ABCD3: variants seen among roughly 807,000 people sequenced by gnomAD.
The protein encoded by ABCD3 is ATP-binding cassette sub-family D member 3.
Under a neutral mutation model 105.5 loss-of-function variants are expected in ABCD3, and 41 were observed. The observed-to-expected ratio is 0.39, with a 90% confidence interval of 0.30 to 0.50. The LOEUF (loss-of-function observed/expected upper bound fraction) is 0.50, where lower values mean the gene tolerates loss of function less well. Among genes scored for constraint, ABCD3 ranks in the 20% least tolerant of loss-of-function variants. The pLI, the probability that ABCD3 is intolerant of heterozygous loss-of-function variation, is 0.84. For missense variants in ABCD3, 622 were observed against 806.3 expected (o/e 0.77, Z 2.77); for synonymous variants, 258 against 269.0 (o/e 0.96, Z 0.40).
chr1:94,499,317 T>A (rs1236604116), intron 19 of ABCD3, among the ~76,000 whole-genome samples, 178 bp from the exon 20 acceptor site: 1 of 152,226 alleles, frequency 6.6e-6, no homozygotes, highest in Non-Finnish European at 1.5e-5. Flanking sequence ...TCAAGTTTGG[T>A]GTAGATACTA....
the ABCD3 span, among the ~76,000 whole-genome samples, chr1:94,400,030 AC>A: frequency 6.6e-6 from 1 of 152,142 alleles, no homozygotes; most frequent in Admixed American, 6.5e-5. Context: ...ACAGAGCAAG[AC>A]CCTGTCTCAA....
intron 1 of ABCD3, among the ~76,000 whole-genome samples, chr1:94,435,666 A>G (rs1659875836): frequency 6.6e-6 from 1 of 152,252 alleles, no homozygotes; most frequent in African/African-American, 2.4e-5. Flanking sequence ...TTCTTCACTT[A>G]TAAGGTGGAA....
the ABCD3 span, chr1:94,406,520 G>T: frequency 5.2e-6 from 2 of 384,614 alleles, no homozygotes; most frequent in East Asian, 7.1e-5. Flanking sequence ...CTTTCTCTTT[G>T]GCTCCCTTCT....
chr1:94,430,187 T>C (rs1003119199), intron 1 of ABCD3, among the ~76,000 whole-genome samples: 1 of 152,266 alleles, frequency 6.6e-6, no homozygotes, highest in African/African-American at 2.4e-5. Flanking sequence ...TGGCTGTATT[T>C]ACCCAATGCC....
the ABCD3 span, among the ~76,000 whole-genome samples, chr1:94,399,224 AAGG>A: frequency 6.6e-6 from 1 of 152,334 alleles, no homozygotes; most frequent in East Asian, 1.9e-4. Flanking sequence ...TCAAGACAGA[AAGG>A]AGATTAGCAG....
At chr1:94,455,791 C>G (rs1647523096) in intron 1 of ABCD3, 1 of 1,258,870 alleles carries the variant, frequency 7.9e-7, no homozygotes, top group Non-Finnish European at 1.0e-6. Flanking sequence ...GCTGACTGAT[C>G]ATGTGACTCA....
At chr1:94,432,571 TG>T (rs1659726636) in intron 1 of ABCD3, 2 of 152,330 alleles carry the variant, frequency 1.3e-5, no homozygotes, top group South Asian at 4.1e-4. Flanking sequence ...TTCTTTTTAT[TG>T]TCTTCATTTT....
intron 4 of ABCD3, 142 bp from the exon 5 acceptor site, chr1:94,473,624 A>G (rs925465229): frequency 1.4e-6 from 1 of 693,962 alleles, no homozygotes. Flanking sequence ...TTTTTGCAAA[A>G]AAGTGGTTTT....
At position 94,517,777 on chromosome 1, in the gene ABCD3, AGTT is replaced by A. The variant is rs1650998163; in HGVS notation, c.*652_*654del. The A allele has an allele frequency of 6.5e-6, 1 of 154,150 alleles. No individual in the cohort carries two copies. Among genetic ancestry groups the A allele is most frequent in the Non-Finnish European group, 1.4e-5 (1 of 69,200 alleles). The allele number at this position is 154,150 out of a possible 1,614,324, so 9.5% of individuals were successfully genotyped here. A position where few individuals can be genotyped will look rare whatever the true frequency, so the allele number is the denominator to read the frequency against. ...GTACCCCTCTCAGTCTGCAGTATTG[AGTT>A]GTTTAAAGTATATGTGCAGTCTTGC... On this transcript the variant is annotated 3_prime_UTR_variant, in exon 23 of 23. Coordinates refer to ENST00000370214, the MANE Select transcript of ABCD3 (RefSeq NM_002858.4).
chr1:94,433,501 A>G (rs1194462301), intron 1 of ABCD3, among the ~76,000 whole-genome samples: 1 of 152,072 alleles, frequency 6.6e-6, no homozygotes, highest in Non-Finnish European at 1.5e-5. Flanking sequence ...GTGCACTTAT[A>G]CAAACATAGA....
the ABCD3 span, among the ~76,000 whole-genome samples, chr1:94,398,474 C>T: frequency 6.6e-6 from 1 of 152,180 alleles, no homozygotes; most frequent in African/African-American, 2.4e-5. Context: ...TGACTGTAAC[C>T]TAACAGTTTT....
At chr1:94,487,342 GTGTT>G (rs1344100190) in intron 10 of ABCD3, among the ~76,000 whole-genome samples, 196 bp from the exon 11 acceptor site, 12 of 152,152 alleles carry the variant, frequency 7.9e-5, no homozygotes, top group African/African-American at 2.9e-4. Flanking sequence ...GTTTCATGAA[GTGTT>G]TGTTTGGCAC....
chr1:94,496,858 C>G (rs1170370101), intron 16 of ABCD3, among the ~76,000 whole-genome samples: 1 of 150,690 alleles, frequency 6.6e-6, no homozygotes, highest in Non-Finnish European at 1.5e-5. Flanking sequence ...ACCTCTGCCT[C>G]TCGGGTTCAA....
intron 1 of ABCD3, among the ~76,000 whole-genome samples, chr1:94,446,942 C>T (rs1329553541): frequency 6.6e-6 from 1 of 152,142 alleles, no homozygotes; most frequent in Non-Finnish European, 1.5e-5. Flanking sequence ...AATTCCAGAG[C>T]AATTAAACAG....
chr1:94,430,665 G>T lies in ABCD3; in HGVS notation c.110+12077G>T, dbSNP rs1345022054. On this transcript the variant is annotated intron_variant, in intron 1 of 22. Transcript: ENST00000370214. ...CCAGCCATGTGGAACTGTGAGTCCA[G>T]TTAAACCTCTTTCTTTTTTAGATTG... Among the ~76,000 whole-genome samples the T allele has an allele frequency of 2.0e-5, 3 of 152,140 alleles. No homozygotes were observed. The East Asian group carries it at 5.8e-4, about 29-fold the overall frequency.
At chr1:94,405,111 T>G in the ABCD3 span, among the ~76,000 whole-genome samples, 1 of 152,198 alleles carries the variant, frequency 6.6e-6, no homozygotes, top group Admixed American at 6.5e-5. Flanking sequence ...TTGTGCATAT[T>G]GCATTTTTGT....
intron 15 of ABCD3, among the ~76,000 whole-genome samples, 168 bp from the exon 16 acceptor site, chr1:94,491,016 T>A (rs1257753825): frequency 6.6e-6 from 1 of 152,114 alleles, no homozygotes; most frequent in African/African-American, 2.4e-5. Context: ...ATGACTGAGA[T>A]GTTGAGCACC....
chr1:94,395,539 C>T, the ABCD3 span, among the ~76,000 whole-genome samples: 2 of 152,296 alleles, frequency 1.3e-5, no homozygotes, highest in African/African-American at 4.8e-5. Flanking sequence ...ATAAGTCCGT[C>T]AGCCTTTTTC....
chr1:94,510,874 C>T (rs1342491057), intron 21 of ABCD3, among the ~76,000 whole-genome samples: 1 of 151,942 alleles, frequency 6.6e-6, no homozygotes, highest in Non-Finnish European at 1.5e-5. Context: ...TTATTTTGAG[C>T]CTATGTGTGT....
Sources: allele counts gnomAD v4.1 joint callset (sites outside exome capture counted in the v4.1 genomes callset), GRCh38; gene constraint gnomAD v4.1.1; transcripts MANE v1.5; gene names NCBI Gene and HGNC (gene_info 2026-07-23, HGNC 2026-07-21).